IGSF10: variants seen among roughly 807,000 people sequenced by gnomAD.
The protein encoded by IGSF10 is immunoglobulin superfamily member 10, also known as calvaria mechanical force protein 608.
Under a neutral mutation model 128.2 loss-of-function variants are expected in IGSF10, and 126 were observed. The ratio of observed to expected loss-of-function variants is 0.98; its 90% CI spans 0.85 to 1.14. The LOEUF is 1.14. Among genes scored for constraint, IGSF10 ranks in the 50% most tolerant of loss-of-function variants. IGSF10 has a pLI of 0.00. For missense variants in IGSF10, 3,295 were observed against 3,149.8 expected, an observed-to-expected ratio of 1.05 and a Z score of -1.10; for synonymous variants, 1,185 against 1,146.2, an observed-to-expected ratio of 1.03 and a Z score of -0.68.
At chr3:151,518,455 T>C in the IGSF10 span, among the ~76,000 whole-genome samples, 1 of 152,016 alleles carries the variant, frequency 6.6e-6, no homozygotes, top group Non-Finnish European at 1.5e-5. Context: ...AAGTTTTTCT[T>C]TTAACAGTAA....
At chr3:151,561,972 T>C in the IGSF10 span, among the ~76,000 whole-genome samples, 1 of 152,206 alleles carries the variant, frequency 6.6e-6, no homozygotes, top group Non-Finnish European at 1.5e-5. Context: ...GACTTATCTT[T>C]TTCTTTTATC....
the IGSF10 span, among the ~76,000 whole-genome samples, chr3:151,518,671 T>C: frequency 6.6e-5 from 10 of 151,610 alleles, no homozygotes; most frequent in South Asian, 6.2e-4. Context: ...TTTATCTGCA[T>C]GTTGTTTTAT....
the IGSF10 span, among the ~76,000 whole-genome samples, chr3:151,542,315 G>A: frequency 5.1e-4 from 77 of 151,860 alleles, no homozygotes; most frequent in African/African-American, 1.9e-3. Context: ...ATTTTTTACT[G>A]TATTTTCTCA....
chr3:151,516,140 G>A, the IGSF10 span, among the ~76,000 whole-genome samples: 80 of 152,050 alleles, frequency 5.3e-4, no homozygotes, highest in African/African-American at 1.9e-3. Context: ...CAGAACTTCA[G>A]GACCTTGAAC....
At chr3:151,505,294 A>G in the IGSF10 span, among the ~76,000 whole-genome samples, 1 of 152,154 alleles carries the variant, frequency 6.6e-6, no homozygotes, top group Non-Finnish European at 1.5e-5. Context: ...GGAAAGAATG[A>G]GAGCCAAGTG....
the IGSF10 span, among the ~76,000 whole-genome samples, chr3:151,541,268 A>C: frequency 6.6e-6 from 1 of 152,196 alleles, no homozygotes; most frequent in Non-Finnish European, 1.5e-5. Flanking sequence ...GCAGAAAGTC[A>C]GATGTGTCTG....
the IGSF10 span, among the ~76,000 whole-genome samples, chr3:151,510,748 C>G: frequency 6.6e-6 from 1 of 152,056 alleles, no homozygotes; most frequent in Non-Finnish European, 1.5e-5. Context: ...ACTAGAATAA[C>G]CAATGCAGAG....
chr3:151,515,233 G>A, the IGSF10 span, among the ~76,000 whole-genome samples: 16 of 151,972 alleles, frequency 1.1e-4, no homozygotes, highest in South Asian at 2.1e-4. Context: ...GTCCAACAAC[G>A]ATAGACTGGA....
chr3:151,589,178 T>C, the IGSF10 span, among the ~76,000 whole-genome samples: 1 of 152,248 alleles, frequency 6.6e-6, no homozygotes, highest in African/African-American at 2.4e-5. Context: ...TTCTGAGTTC[T>C]TTCTAGAAGC....
At chr3:151,615,949 G>T in the IGSF10 span, among the ~76,000 whole-genome samples, 1 of 147,196 alleles carries the variant, frequency 6.8e-6, no homozygotes, top group Non-Finnish European at 1.5e-5. Flanking sequence ...TGTTTGGTTG[G>T]TTTTGTTTTT....
chr3:151,441,806 A>G (rs969182352), intron 7 of IGSF10, among the ~76,000 whole-genome samples: 1 of 152,218 alleles, frequency 6.6e-6, no homozygotes, highest in Non-Finnish European at 1.5e-5. Flanking sequence ...TCATGCCTGT[A>G]ATCCCAGCAC....
At chr3:151,561,074 G>A in the IGSF10 span, among the ~76,000 whole-genome samples, 6 of 152,068 alleles carry the variant, frequency 3.9e-5, no homozygotes, top group East Asian at 1.2e-3. Context: ...AATCTGGTTA[G>A]CATTTTTGGA....
the IGSF10 span, among the ~76,000 whole-genome samples, chr3:151,496,965 C>T: frequency 6.6e-6 from 1 of 152,184 alleles, no homozygotes; most frequent in Non-Finnish European, 1.5e-5. Context: ...CTGTTGGCTG[C>T]ATAAATGTCT....
chr3:151,498,331 T>A, the IGSF10 span, among the ~76,000 whole-genome samples: 12 of 152,180 alleles, frequency 7.9e-5, no homozygotes, highest in African/African-American at 2.9e-4. Context: ...CTCATTATTT[T>A]GAGATACATT....
chr3:151,537,188 T>C, the IGSF10 span, among the ~76,000 whole-genome samples: 12 of 152,178 alleles, frequency 7.9e-5, no homozygotes, highest in African/African-American at 2.9e-4. Flanking sequence ...GATCTTGCAT[T>C]GTTACTTTGG....
the IGSF10 span, among the ~76,000 whole-genome samples, chr3:151,562,994 C>T: frequency 3.4e-3 from 517 of 152,246 alleles, 4 homozygotes; most frequent in African/African-American, 0.012. Flanking sequence ...CCTCAATCCT[C>T]TGCATGACCT....
At chr3:151,570,324 T>C in the IGSF10 span, among the ~76,000 whole-genome samples, 1 of 152,220 alleles carries the variant, frequency 6.6e-6, no homozygotes, top group Non-Finnish European at 1.5e-5. Flanking sequence ...TCTTCCACAA[T>C]GGTTGAACTA....
the IGSF10 span, among the ~76,000 whole-genome samples, chr3:151,507,007 C>T: frequency 6.6e-6 from 1 of 152,134 alleles, no homozygotes; most frequent in Non-Finnish European, 1.5e-5. Context: ...TAATTAGATA[C>T]TTGCTTGATT....
Position 151,456,398 on chromosome 3 carries a change from GTT to G in IGSF10, c.324+626_324+627del, listed in dbSNP as rs2108573867. 2.0e-5 allele frequency among the ~76,000 whole-genome samples: 3 copies of G among 152,278 alleles called. No individual in the cohort carries two copies. The South Asian group carries it at 6.2e-4, about 32-fold the overall frequency. On this transcript the variant is annotated intron_variant, in intron 4 of 7. Coordinates refer to ENST00000282466, the MANE Select transcript of IGSF10 (RefSeq NM_178822.5). ...TACATGGCTGTGCTTTTCCTGAACAGTTTAAGTTTTAATAGATGTCATGTATT... is the reference window on the plus strand; with the variant it reads ...TACATGGCTGTGCTTTTCCTGAACAGTAAGTTTTAATAGATGTCATGTATT...
Sources: allele counts gnomAD v4.1 joint callset (sites outside exome capture counted in the v4.1 genomes callset), GRCh38; gene constraint gnomAD v4.1.1; transcripts MANE v1.5; gene names NCBI Gene and HGNC (gene_info 2026-07-23, HGNC 2026-07-21).